The following AFF4 variants were observed in gnomAD, a reference collection of about 807,000 sequenced individuals.
AFF4 encodes ALF transcription elongation factor 4, also known as AF4/FMR2 family member 4.
Under a neutral mutation model 124.8 loss-of-function variants are expected in AFF4, and 13 were observed. The observed-to-expected ratio is 0.10, with a 90% CI of 0.07 to 0.17. The LOEUF is 0.17. Ranked by LOEUF, AFF4 falls within the 10% of genes least tolerant of loss-of-function variation. The pLI is 1.00. For missense variants in AFF4, 1,092 were observed against 1,403.8 expected (o/e 0.78, Z 3.55); for synonymous variants, 477 against 496.1 (o/e 0.96, Z 0.51).
intron 5 of AFF4, 128 bp from the exon 6 acceptor site, chr5:132,904,532 T>A: frequency 1.3e-6 from 1 of 790,618 alleles, no homozygotes; most frequent in Non-Finnish European, 2.0e-6. Context: ...TGATCCTGTC[T>A]GATCAGCCTT....
At chr5:132,947,993 G>A (rs1318967480) in intron 1 of AFF4, among the ~76,000 whole-genome samples, 1 of 152,074 alleles carries the variant, frequency 6.6e-6, no homozygotes, top group African/African-American at 2.4e-5. Context: ...TATGTATTAT[G>A]TGAATTTCTT....
chr5:132,939,528 T>C (rs1761516266), intron 1 of AFF4, among the ~76,000 whole-genome samples: 1 of 152,244 alleles, frequency 6.6e-6, no homozygotes. Flanking sequence ...TCTGCCAACA[T>C]ACAAAGTTAT....
chr5:132,909,317 G>GT (rs1760740737), intron 5 of AFF4, among the ~76,000 whole-genome samples: 1 of 151,650 alleles, frequency 6.6e-6, no homozygotes, highest in Non-Finnish European at 1.5e-5. Flanking sequence ...GCTAATTTCT[G>GT]TATTTTTAGT....
intron 1 of AFF4, among the ~76,000 whole-genome samples, chr5:132,957,949 C>T (rs1481606962): frequency 2.6e-5 from 4 of 151,994 alleles, no homozygotes; most frequent in South Asian, 2.1e-4. Flanking sequence ...AAAAAAGTAT[C>T]GATTACCTAA....
chr5:132,918,594 G>A (rs1368812106), intron 5 of AFF4, among the ~76,000 whole-genome samples: 3 of 149,782 alleles, frequency 2.0e-5, no homozygotes, highest in Non-Finnish European at 3.0e-5. Flanking sequence ...CCCAGGAGGC[G>A]GAGGTTGCAC....
chr5:132,887,159 C>A (rs1760139190), intron 17 of AFF4, among the ~76,000 whole-genome samples: 1 of 152,154 alleles, frequency 6.6e-6, no homozygotes, highest in African/African-American at 2.4e-5. Context: ...ATGAAGCAAA[C>A]AAGTCACATC....
In AFF4 at chr5:132,910,824, T is replaced by C. The variant is rs11743275; in HGVS notation, c.1051-6420A>G. Among the ~76,000 whole-genome samples, 1,071 of 152,346 alleles carry C rather than the reference T, an allele frequency of 7.0e-3. 15 individuals are homozygous for C. Among genetic ancestry groups the C allele is most frequent in the South Asian group, 0.025 (122 of 4,826 alleles). On this transcript the variant is annotated intron_variant, in intron 5 of 20. Coordinates refer to ENST00000265343, the MANE Select transcript of AFF4 (RefSeq NM_014423.4). ...TCCTATGTTCTTTAAATACCCATCTTAGAGCAAGAACATTTAAATTGTACA... is the reference window on the plus strand; with the variant it reads ...TCCTATGTTCTTTAAATACCCATCTCAGAGCAAGAACATTTAAATTGTACA...
intron 5 of AFF4, among the ~76,000 whole-genome samples, chr5:132,907,220 TATCTC>T (rs1581289990): frequency 6.6e-6 from 1 of 152,142 alleles, no homozygotes; most frequent in East Asian, 1.9e-4. Context: ...AGCTCTAGTT[TATCTC>T]CTTTACTCAG....
In AFF4 at chr5:132,899,738, T is replaced by C. The variant is rs140053537; in HGVS notation, c.1134-97A>G. 8.6e-4 allele frequency: 930 copies of C among 1,084,814 alleles called. 3 individuals are homozygous for C. The highest frequency in any genetic ancestry group is 6.8e-3 in the East Asian group (280 of 40,984). 67.2% of individuals were successfully genotyped at this position (1,084,814 alleles called of 1,614,324 possible). A position where few individuals can be genotyped will look rare whatever the true frequency, so the allele number is the denominator to read the frequency against. On this transcript the variant is annotated intron_variant, in intron 7 of 20. Coordinates refer to ENST00000265343, the MANE Select transcript of AFF4 (RefSeq NM_014423.4). ...CTAAAAATTCTAGAAATAATCACTGTGGTAGCCAAAAATTTAACCAAAAAA... is the reference window on the plus strand; with the variant it reads ...CTAAAAATTCTAGAAATAATCACTGCGGTAGCCAAAAATTTAACCAAAAAA...
Position 132,904,401 on chromosome 5 carries a change from A to T in AFF4, c.1054T>A (p.Ser352Thr), listed in dbSNP as rs751917471. 5 of 1,608,144 alleles carry T rather than the reference A, an allele frequency of 3.1e-6. No homozygotes were observed. The highest frequency in any genetic ancestry group is 4.2e-6 in the Non-Finnish European group (5 of 1,177,726). ...CCAGTGCCAAAATTGGACTGCTGAG[A>T]CTCCTAAGAAAAAGGAACATAAAAT... ...PSKFPFPTKE[S>T]QQSNFGTGEQ... Residue 352 changes from serine to threonine, a missense_variant, in exon 6 of 21, where the codon TCT becomes ACT. By Grantham distance (58) the Ser-to-Thr change is moderately conservative. Coordinates refer to ENST00000265343, the MANE Select transcript of AFF4 (RefSeq NM_014423.4).
intron 5 of AFF4, among the ~76,000 whole-genome samples, chr5:132,924,092 A>G (rs1438013722): frequency 6.6e-6 from 1 of 152,002 alleles, no homozygotes; most frequent in East Asian, 1.9e-4. Context: ...CGTCTCTACT[A>G]AAAATACAAA....
At chr5:132,914,619 C>T (rs537446149) in intron 5 of AFF4, among the ~76,000 whole-genome samples, 1 of 150,296 alleles carries the variant, frequency 6.7e-6, no homozygotes, top group Admixed American at 6.6e-5. Flanking sequence ...AAAAGAAGAA[C>T]AAATTAAACC....
chr5:132,949,464 C>A (rs1354684792), intron 1 of AFF4, among the ~76,000 whole-genome samples: 1 of 152,048 alleles, frequency 6.6e-6, no homozygotes, highest in African/African-American at 2.4e-5. Context: ...ACCGCTTGAG[C>A]CCAGGAGTTC....
intron 1 of AFF4, among the ~76,000 whole-genome samples, chr5:132,941,766 A>G (rs1761574132): frequency 6.6e-6 from 1 of 151,988 alleles, no homozygotes; most frequent in South Asian, 2.1e-4. Flanking sequence ...CCAGCACTTT[A>G]GGAGGCCAAC....
chr5:132,960,296 A>G (rs1298981739), intron 1 of AFF4, among the ~76,000 whole-genome samples: 3 of 152,182 alleles, frequency 2.0e-5, no homozygotes, highest in Non-Finnish European at 4.4e-5. Context: ...CTTCATAGTG[A>G]GATATCTGTA....
rs1331175443 is a variant in AFF4 at position 132,885,130 on chromosome 5, A to G, written c.3100-11T>C. On this transcript the variant is annotated splice_polypyrimidine_tract_variant and intron_variant, in intron 18 of 20. Coordinates refer to ENST00000265343, the MANE Select transcript of AFF4 (RefSeq NM_014423.4). ...ATTATTATAAGAATTCTGTGGAAAA[A>G]GTAAAATGTACTTAACAACAACAAA... is the stretch of plus-strand genomic sequence containing the variant. 1 of 1,589,910 alleles carries G rather than the reference A, an allele frequency of 6.3e-7. No homozygotes were observed. Among genetic ancestry groups the G allele is most frequent in the Non-Finnish European group, 8.6e-7 (1 of 1,168,056 alleles).
chr5:132,885,816 C>T (rs962727267), intron 18 of AFF4, among the ~76,000 whole-genome samples: 5 of 152,128 alleles, frequency 3.3e-5, no homozygotes, highest in Non-Finnish European at 5.9e-5. Context: ...TCTCTGTCAC[C>T]AGGCTGGAGT....
At chr5:132,918,792 C>T (rs1408426044) in intron 5 of AFF4, among the ~76,000 whole-genome samples, 4 of 152,118 alleles carry the variant, frequency 2.6e-5, no homozygotes, top group East Asian at 3.9e-4. Context: ...ATTGCTAAGA[C>T]GTCAATTCTC....
rs1760406813 is a variant in AFF4, at chr5:132,896,628, A to G, written c.2002T>C (p.Tyr668His). The G allele has an allele frequency of 2.5e-6, 4 of 1,613,938 alleles. No homozygotes were observed. The highest frequency in any genetic ancestry group is 3.4e-6 in the Non-Finnish European group (4 of 1,180,018). Residue 668 changes from tyrosine (Y) to histidine (H), a missense_variant, in exon 11 of 21, where the codon TAC (tyrosine) becomes CAC (histidine). By Grantham distance (83) the Tyr-to-His change is moderately conservative. This residue lies in a region of AFF4 where 174 missense variants were observed against 205.9 expected (regional missense o/e 0.84). Coordinates refer to ENST00000265343, the MANE Select transcript of AFF4 (RefSeq NM_014423.4). ...ACAGGAGTCCTATTGCTCTCGGGGTACTTAGGAGTTTGTGAGGAAGGAGGA... is the reference window on the plus strand; with the variant it reads ...ACAGGAGTCCTATTGCTCTCGGGGTGCTTAGGAGTTTGTGAGGAAGGAGGA... Reference protein sequence around the residue: ...SLPPSSQTPKYPESNRTPVKP... With the variant: ...SLPPSSQTPKHPESNRTPVKP...
Sources: allele counts gnomAD v4.1 joint callset (sites outside exome capture counted in the v4.1 genomes callset), GRCh38; gene constraint gnomAD v4.1.1; regional missense constraint gnomAD v4.1.1; transcripts MANE v1.5; gene names NCBI Gene and HGNC (gene_info 2026-07-23, HGNC 2026-07-21).